The following VWA8 variants were observed in gnomAD, a reference collection of about 807,000 sequenced individuals.
VWA8 encodes the protein von Willebrand factor A domain-containing protein 8.
In VWA8, 221 loss-of-function variants were observed where a neutral mutation model predicts 241.5. The ratio of observed to expected loss-of-function variants is 0.91; its 90% confidence interval spans 0.82 to 1.02. The LOEUF is 1.02. Ranked by LOEUF, VWA8 falls within the 50% of genes least tolerant of loss-of-function variation. The pLI, the probability that VWA8 is intolerant of heterozygous loss-of-function variation, is 0.00. For synonymous variants in VWA8, 852 were observed against 827.1 expected (o/e 1.03, Z -0.52); for missense variants, 2,322 against 2,328.7 (o/e 1.00, Z 0.06).
intron 40 of VWA8, among the ~76,000 whole-genome samples, chr13:41,591,962 C>G (rs2044457978): frequency 6.9e-6 from 1 of 145,304 alleles, no homozygotes; most frequent in African/African-American, 2.5e-5. Flanking sequence ...CATCCCATTA[C>G]TGGGTATATA....
chr13:41,576,984 C>T (rs536408638), intron 42 of VWA8, among the ~76,000 whole-genome samples: 2 of 152,372 alleles, frequency 1.3e-5, no homozygotes, highest in South Asian at 4.1e-4. Context: ...ACAACAGTTA[C>T]CCTCTGCCCA....
intron 42 of VWA8, among the ~76,000 whole-genome samples, chr13:41,582,757 T>C (rs1197916355): frequency 6.6e-6 from 1 of 152,182 alleles, no homozygotes; most frequent in Non-Finnish European, 1.5e-5. Flanking sequence ...ACAGAATGCA[T>C]GGTACACAGC....
At chr13:41,847,262 T>C (rs936467278) in intron 12 of VWA8, among the ~76,000 whole-genome samples, 1 of 151,790 alleles carries the variant, frequency 6.6e-6, no homozygotes, top group African/African-American at 2.4e-5. Flanking sequence ...AGGACACAAA[T>C]AAGAAAATAC....
At chr13:41,837,231 G>A (rs1871782482) in intron 12 of VWA8, among the ~76,000 whole-genome samples, 1 of 152,018 alleles carries the variant, frequency 6.6e-6, no homozygotes, top group South Asian at 2.1e-4. Flanking sequence ...ATAAACCTTT[G>A]CATCAAAATA....
chr13:41,838,446 T>C (rs555258017), intron 12 of VWA8, among the ~76,000 whole-genome samples: 93 of 152,278 alleles, frequency 6.1e-4, no homozygotes, highest in African/African-American at 1.9e-3. Context: ...AACTGTCTTA[T>C]AGGAAATTAA....
At chr13:41,630,466 A>C (rs934177054) in intron 37 of VWA8, among the ~76,000 whole-genome samples, 4 of 151,880 alleles carry the variant, frequency 2.6e-5, no homozygotes, top group African/African-American at 9.7e-5. Context: ...GCTTAAGAAT[A>C]TTTTGATTTC....
At chr13:41,835,947 T>C (rs916831794) in intron 12 of VWA8, among the ~76,000 whole-genome samples, 7 of 152,056 alleles carry the variant, frequency 4.6e-5, no homozygotes, top group Non-Finnish European at 8.8e-5. Context: ...AAATTAAAGA[T>C]ACATTATCAG....
intron 37 of VWA8, among the ~76,000 whole-genome samples, chr13:41,623,592 C>T (rs910231178): frequency 6.6e-6 from 1 of 152,178 alleles, no homozygotes; most frequent in African/African-American, 2.4e-5. Context: ...ACAGCATCAG[C>T]ACAGAAATCC....
intron 12 of VWA8, among the ~76,000 whole-genome samples, chr13:41,861,627 A>G (rs1011974720): frequency 1.3e-5 from 2 of 152,216 alleles, no homozygotes; most frequent in Admixed American, 1.3e-4. Flanking sequence ...AGGTACAAAA[A>G]TAAGTAGCAT....
At chr13:41,595,649 A>G (rs2044483257) in intron 40 of VWA8, among the ~76,000 whole-genome samples, 2 of 152,134 alleles carry the variant, frequency 1.3e-5, no homozygotes, top group African/African-American at 2.4e-5. Context: ...GTGTGGCTCA[A>G]CATTATCTCT....
intron 9 of VWA8, among the ~76,000 whole-genome samples, chr13:41,881,380 G>GC (rs1874174841): frequency 2.0e-5 from 1 of 50,670 alleles, no homozygotes; most frequent in Non-Finnish European, 4.5e-5. Flanking sequence ...GCCGGGGGGG[G>GC]GGGGGGGGGG....
chr13:41,822,489 G>A (rs1437674178), intron 14 of VWA8, among the ~76,000 whole-genome samples: 1 of 152,172 alleles, frequency 6.6e-6, no homozygotes, highest in African/African-American at 2.4e-5. Context: ...AGGGTCTAGT[G>A]TAATACTTGG....
At chr13:41,874,955 C>T (rs539237878) in intron 9 of VWA8, among the ~76,000 whole-genome samples, 48 of 152,224 alleles carry the variant, frequency 3.2e-4, no homozygotes, top group African/African-American at 1.1e-3. Context: ...CTTTCAGACA[C>T]ATACTCCTCC....
intron 38 of VWA8, among the ~76,000 whole-genome samples, chr13:41,613,483 T>C (rs2044602388): frequency 6.6e-6 from 1 of 152,162 alleles, no homozygotes; most frequent in African/African-American, 2.4e-5. Flanking sequence ...GGGTGGATCA[T>C]GAATTTGAGC....
At chr13:41,595,822 C>G (rs2044484411) in intron 40 of VWA8, among the ~76,000 whole-genome samples, 1 of 152,100 alleles carries the variant, frequency 6.6e-6, no homozygotes, top group South Asian at 2.1e-4. Flanking sequence ...TCTTTTGGAG[C>G]AGGTATGTGC....
chr13:41,648,937 AT>A (rs1253247354), intron 37 of VWA8, among the ~76,000 whole-genome samples: 1 of 152,166 alleles, frequency 6.6e-6, no homozygotes, highest in East Asian at 1.9e-4. Flanking sequence ...TAATCCCAGC[AT>A]TTTGGGAGGC....
intron 2 of VWA8, among the ~76,000 whole-genome samples, chr13:41,948,945 GA>G (rs1204653028): frequency 1.5e-5 from 2 of 131,308 alleles, no homozygotes; most frequent in African/African-American, 2.9e-5. Flanking sequence ...CTCTTCATGA[GA>G]AAAAAAATAC....
At chr13:41,863,009 AG>A (rs1278410626) in intron 12 of VWA8, among the ~76,000 whole-genome samples, 2 of 152,176 alleles carry the variant, frequency 1.3e-5, no homozygotes, top group Admixed American at 6.5e-5. Context: ...CAACTTGATT[AG>A]ATTGAAGGAT....
intron 4 of VWA8, among the ~76,000 whole-genome samples, chr13:41,900,207 T>G (rs1362076513): frequency 6.6e-6 from 1 of 152,232 alleles, no homozygotes; most frequent in Non-Finnish European, 1.5e-5. Context: ...GCTAGATAGT[T>G]GGAAGATTTT....
Sources: allele counts gnomAD v4.1 joint callset (sites outside exome capture counted in the v4.1 genomes callset), GRCh38; gene constraint gnomAD v4.1.1; transcripts MANE v1.5; gene names NCBI Gene and HGNC (gene_info 2026-07-23, HGNC 2026-07-21).